Variants in BTF3L4 observed in about 807,000 individuals in gnomAD.
BTF3L4 encodes transcription factor BTF3 homolog 4.
Under a neutral mutation model 16.8 loss-of-function variants are expected in BTF3L4, and 6 were observed. That is an observed-to-expected ratio of 0.36 (90% CI 0.20 to 0.71). The LOEUF (loss-of-function observed/expected upper bound fraction) is 0.71. Among genes scored for constraint, BTF3L4 ranks in the 30% least tolerant of loss-of-function variants. The pLI is 0.58. For synonymous variants in BTF3L4, 39 were observed against 59.8 expected, an observed-to-expected ratio of 0.65 and a Z score of 1.60; for missense variants, 92 against 186.9, an observed-to-expected ratio of 0.49 and a Z score of 2.96.
At chr1:52,072,998 C>T (rs1274031545) in intron 3 of BTF3L4, among the ~76,000 whole-genome samples, 6 of 152,040 alleles carry the variant, frequency 3.9e-5, no homozygotes, top group African/African-American at 1.2e-4. Context: ...GCGGAGGTTG[C>T]AGTGAGCCAA....
chr1:52,078,610 A>G (rs983883062), intron 3 of BTF3L4, among the ~76,000 whole-genome samples: 1 of 152,196 alleles, frequency 6.6e-6, no homozygotes, highest in East Asian at 1.9e-4. Context: ...TCTTACCTCA[A>G]TCTTGGATAA....
intron 3 of BTF3L4, among the ~76,000 whole-genome samples, chr1:52,077,243 T>A (rs1026033795): frequency 1.3e-5 from 2 of 152,164 alleles, no homozygotes; most frequent in African/African-American, 4.8e-5. Context: ...ACATGTAGGA[T>A]GGAGTAGGCA....
intron 3 of BTF3L4, among the ~76,000 whole-genome samples, chr1:52,071,528 T>G (rs891630864): frequency 6.6e-6 from 1 of 152,230 alleles, no homozygotes; most frequent in Non-Finnish European, 1.5e-5. Flanking sequence ...TGATTCTCTG[T>G]GATGAGTTTG....
intron 4 of BTF3L4, among the ~76,000 whole-genome samples, chr1:52,084,689 G>A (rs1458387257): frequency 2.0e-5 from 3 of 151,866 alleles, no homozygotes; most frequent in Admixed American, 2.0e-4. Context: ...CTACTCAGGA[G>A]GCTGATGCAG....
At chr1:52,084,020 C>CA (rs58159140) in intron 4 of BTF3L4, among the ~76,000 whole-genome samples, 1,638 of 78,924 alleles carry the variant, frequency 0.021, 20 homozygotes, top group African/African-American at 0.061. Context: ...AACTCCGTCT[C>CA]AAAAAAAAAA....
At chr1:52,068,776 T>G (rs1010372290) in intron 3 of BTF3L4, among the ~76,000 whole-genome samples, 1 of 152,166 alleles carries the variant, frequency 6.6e-6, no homozygotes, top group Non-Finnish European at 1.5e-5. Flanking sequence ...TAAACCATTA[T>G]AGAAAAGAAA....
intron 3 of BTF3L4, among the ~76,000 whole-genome samples, chr1:52,082,889 G>A (rs905057362): frequency 6.6e-6 from 1 of 152,114 alleles, no homozygotes; most frequent in Non-Finnish European, 1.5e-5. Context: ...ATTTTTAGTG[G>A]TTGTTTTTAC....
chr1:52,078,166 C>T (rs1686977073), intron 3 of BTF3L4, among the ~76,000 whole-genome samples: 1 of 151,904 alleles, frequency 6.6e-6, no homozygotes, highest in African/African-American at 2.4e-5. Context: ...AATCCTCCCA[C>T]CTCAGCCTCC....
chr1:52,070,212 C>G (rs1184844750), intron 3 of BTF3L4, among the ~76,000 whole-genome samples: 3 of 22,260 alleles, frequency 1.3e-4, no homozygotes, highest in Non-Finnish European at 9.7e-4. Context: ...GCAAGACTGT[C>G]TAAAAAAAAA....
intron 3 of BTF3L4, among the ~76,000 whole-genome samples, chr1:52,078,499 A>T (rs1190547194): frequency 1.3e-5 from 2 of 152,154 alleles, no homozygotes; most frequent in Non-Finnish European, 2.9e-5. Context: ...TTAACCTTCT[A>T]GTATGGTCAG....
chr1:52,075,206 A>G (rs1686900197), intron 3 of BTF3L4, among the ~76,000 whole-genome samples: 1 of 152,096 alleles, frequency 6.6e-6, no homozygotes, highest in South Asian at 2.1e-4. Context: ...TTTATTATAC[A>G]TTATAATGTT....
intron 3 of BTF3L4, chr1:52,071,300 C>A (rs1465152273): frequency 6.6e-6 from 1 of 152,206 alleles, no homozygotes; most frequent in African/African-American, 2.4e-5. Flanking sequence ...ATAATTCAGC[C>A]TCCATGAAAC....
chr1:52,058,144 G>T (rs1686421716), intron 1 of BTF3L4, among the ~76,000 whole-genome samples: 1 of 152,126 alleles, frequency 6.6e-6, no homozygotes, highest in Non-Finnish European at 1.5e-5. Flanking sequence ...TTGAGCATAG[G>T]AATTGGGATT....
intron 3 of BTF3L4, among the ~76,000 whole-genome samples, chr1:52,081,084 C>G (rs1208699197): frequency 1.3e-5 from 2 of 151,668 alleles, no homozygotes; most frequent in African/African-American, 4.8e-5. Context: ...GTGATCCACC[C>G]GCCTCAGCCT....
intron 3 of BTF3L4, among the ~76,000 whole-genome samples, chr1:52,068,876 CACCTGT>C (rs1380329706): frequency 6.6e-6 from 1 of 152,154 alleles, no homozygotes; most frequent in East Asian, 1.9e-4. Context: ...TTCCTGGTAG[CACCTGT>C]ACAGCATTTG....
intron 3 of BTF3L4, among the ~76,000 whole-genome samples, chr1:52,067,676 A>C (rs1686689493): frequency 6.6e-6 from 1 of 152,340 alleles, no homozygotes; most frequent in South Asian, 2.1e-4. Context: ...TTGCAATAAT[A>C]CACATGAATT....
intron 2 of BTF3L4, among the ~76,000 whole-genome samples, chr1:52,062,197 CTTTTTTTT>C (rs34904880): frequency 1.9e-5 from 1 of 53,616 alleles, no homozygotes; most frequent in Non-Finnish European, 3.4e-5. Flanking sequence ...CCGCCTCGGC[CTTTTTTTT>C]TTTTTTTTTT....
Position 52,065,054 on chromosome 1 carries a change from CTT to C in BTF3L4, c.168+118_168+119del, listed in dbSNP as rs147079270. ...ATCTTTGATATTGTCACTCTGATGT[CTT>C]TGAAGGACTGTGGCACTTTGATTTT... is the stretch of plus-strand genomic sequence containing the variant. On this transcript the variant is annotated intron_variant, in intron 3 of 5. Coordinates refer to ENST00000313334, the MANE Select transcript of BTF3L4 (RefSeq NM_152265.5). The C allele has an allele frequency of 2.8e-3, 1,346 of 488,548 alleles. 17 individuals carry two copies. The highest frequency in any genetic ancestry group is 0.025 in the African/African-American group (1,244 of 49,932). The allele number at this position is 488,548 out of a possible 1,614,324, so 30.3% of individuals were successfully genotyped here. A position where few individuals can be genotyped will look rare whatever the true frequency, so the allele number is the denominator to read the frequency against.
intron 3 of BTF3L4, among the ~76,000 whole-genome samples, chr1:52,082,203 G>C (rs566544867): frequency 4.5e-4 from 69 of 152,262 alleles, no homozygotes; most frequent in African/African-American, 1.5e-3. Flanking sequence ...GAGTGAGAGA[G>C]AAAAATAACA....
Sources: allele counts gnomAD v4.1 joint callset (sites outside exome capture counted in the v4.1 genomes callset), GRCh38; gene constraint gnomAD v4.1.1; transcripts MANE v1.5; gene names NCBI Gene and HGNC (gene_info 2026-07-23, HGNC 2026-07-21).